Variants in PPARGC1A observed in about 807,000 individuals in gnomAD.
PPARGC1A encodes PPARG coactivator 1 alpha.
PPARGC1A carries 25 observed loss-of-function variants against 88.7 expected under a neutral mutation model. The observed-to-expected ratio is 0.28, with a 90% CI of 0.21 to 0.39. The LOEUF is 0.39. Ranked by LOEUF, PPARGC1A falls within the 10% of genes least tolerant of loss-of-function variation. The pLI is 1.00. For synonymous variants in PPARGC1A, 363 were observed against 355.6 expected (o/e 1.02, Z -0.24); for missense variants, 880 against 968.7 (o/e 0.91, Z 1.22).
At chr4:23,951,305 C>G in the PPARGC1A span, among the ~76,000 whole-genome samples, 42 of 152,194 alleles carry the variant, frequency 2.8e-4, no homozygotes, top group African/African-American at 9.6e-4. Context: ...GCAGAGGGAA[C>G]AGCACAAACA....
chr4:24,149,829 T>G, the PPARGC1A span, among the ~76,000 whole-genome samples: 36,973 of 152,090 alleles, frequency 0.24, 8,518 homozygotes, highest in African/African-American at 0.61. Flanking sequence ...ATTAAGAGGG[T>G]TCTTCCTGGC....
At chr4:24,389,782 A>G in the PPARGC1A span, among the ~76,000 whole-genome samples, 1 of 152,162 alleles carries the variant, frequency 6.6e-6, no homozygotes, top group Non-Finnish European at 1.5e-5. Context: ...GCTCAGACCC[A>G]TTAGATAGCT....
the PPARGC1A span, among the ~76,000 whole-genome samples, chr4:24,432,227 G>A: frequency 9.2e-5 from 14 of 152,336 alleles, no homozygotes; most frequent in South Asian, 2.9e-3. Context: ...CCAGTATACA[G>A]GTGAAGACGT....
the PPARGC1A span, chr4:24,258,347 C>G: frequency 4.7e-5 from 11 of 233,990 alleles, no homozygotes; most frequent in Non-Finnish European, 7.0e-5. Flanking sequence ...TTAAATTATT[C>G]GTCCATTATG....
At chr4:24,012,747 T>C in the PPARGC1A span, among the ~76,000 whole-genome samples, 4 of 152,256 alleles carry the variant, frequency 2.6e-5, no homozygotes, top group African/African-American at 9.6e-5. Context: ...ATAAAAGAGA[T>C]ACTATTTTTG....
the PPARGC1A span, among the ~76,000 whole-genome samples, chr4:24,044,442 G>A: frequency 4.2e-5 from 6 of 143,008 alleles, no homozygotes; most frequent in South Asian, 2.5e-4. Flanking sequence ...AAATCATGGC[G>A]GATTCACGGA....
chr4:24,236,770 C>T, the PPARGC1A span, among the ~76,000 whole-genome samples: 2 of 152,124 alleles, frequency 1.3e-5, no homozygotes, highest in Non-Finnish European at 2.9e-5. Flanking sequence ...TAAATAAGCC[C>T]AGGATGACTC....
At chr4:23,940,702 T>C in the PPARGC1A span, among the ~76,000 whole-genome samples, 1 of 152,088 alleles carries the variant, frequency 6.6e-6, no homozygotes, top group Non-Finnish European at 1.5e-5. Context: ...CATGAAATGT[T>C]TGTAGTTAGT....
At chr4:24,177,890 T>C in the PPARGC1A span, among the ~76,000 whole-genome samples, 1 of 152,154 alleles carries the variant, frequency 6.6e-6, no homozygotes, top group Non-Finnish European at 1.5e-5. Context: ...AGTGAGCCAC[T>C]ACTTATGTGG....
chr4:23,856,361 ATG>A (rs1730190072), intron 2 of PPARGC1A, among the ~76,000 whole-genome samples: 1 of 152,156 alleles, frequency 6.6e-6, no homozygotes, highest in African/African-American at 2.4e-5. Flanking sequence ...TGTTGACTAA[ATG>A]TGGTTTGTTT....
the PPARGC1A span, among the ~76,000 whole-genome samples, chr4:23,988,121 CT>C: frequency 2.6e-5 from 4 of 152,112 alleles, no homozygotes; most frequent in East Asian, 1.9e-4. Context: ...TGAACTCATC[CT>C]TTTTTATGGC....
chr4:23,981,989 C>T, the PPARGC1A span, among the ~76,000 whole-genome samples: 1 of 152,046 alleles, frequency 6.6e-6, no homozygotes, highest in Non-Finnish European at 1.5e-5. Context: ...CATAAAGAGC[C>T]AGAATTAAGC....
At chr4:24,098,670 T>C in the PPARGC1A span, among the ~76,000 whole-genome samples, 3 of 152,204 alleles carry the variant, frequency 2.0e-5, no homozygotes, top group South Asian at 4.1e-4. Context: ...ATCTGAGCCA[T>C]GTAGATGCCA....
the PPARGC1A span, among the ~76,000 whole-genome samples, chr4:23,917,138 A>G: frequency 6.6e-6 from 1 of 152,146 alleles, no homozygotes; most frequent in Non-Finnish European, 1.5e-5. Context: ...ATTTTTGACA[A>G]TGAACTCCAA....
chr4:23,816,388 T>C lies in PPARGC1A; in HGVS notation c.878-1783A>G, dbSNP rs924350822. 2.0e-5 allele frequency among the ~76,000 whole-genome samples: 3 copies of C among 152,236 alleles called. No individual in the cohort carries two copies. In the East Asian group the frequency reaches 5.8e-4, roughly 29 times the overall value. Reference sequence around the variant, plus strand: ...TTGTTTCCTCTCTCATAGATAAGTATGTCTTTTACTCAACCTAATAAATTC... The same window carrying C: ...TTGTTTCCTCTCTCATAGATAAGTACGTCTTTTACTCAACCTAATAAATTC... On this transcript the variant is annotated intron_variant, in intron 7 of 12. Transcript: ENST00000264867.
chr4:24,412,020 G>A, the PPARGC1A span, among the ~76,000 whole-genome samples: 5 of 152,114 alleles, frequency 3.3e-5, no homozygotes, highest in African/African-American at 1.2e-4. Context: ...TCTCCGTTTG[G>A]GTAAATATCA....
At chr4:23,996,235 T>G in the PPARGC1A span, among the ~76,000 whole-genome samples, 1 of 152,132 alleles carries the variant, frequency 6.6e-6, no homozygotes, top group African/African-American at 2.4e-5. Context: ...CCTCATGCAG[T>G]AAGCAGCTCC....
chr4:24,155,907 G>A, the PPARGC1A span, among the ~76,000 whole-genome samples: 1 of 152,166 alleles, frequency 6.6e-6, no homozygotes, highest in Non-Finnish European at 1.5e-5. Context: ...CAAGCACTAG[G>A]ATCTCTATAA....
chr4:23,864,866 G>C (rs1711563648), intron 2 of PPARGC1A, among the ~76,000 whole-genome samples: 3 of 152,150 alleles, frequency 2.0e-5, no homozygotes, highest in African/African-American at 7.2e-5. Flanking sequence ...AGTTGCAATT[G>C]CAACCAGCAG....
Sources: gnomAD v4.1 joint callset for allele counts (sites outside exome capture counted in the v4.1 genomes callset) on GRCh38, gnomAD v4.1.1 for gene constraint, MANE v1.5 for transcripts, NCBI Gene and HGNC (gene_info 2026-07-23, HGNC 2026-07-21) for gene names.